TIGD7: variants seen among roughly 807,000 people sequenced by gnomAD.
The protein encoded by TIGD7 is tigger transposable element derived 7, also known as tigger transposable element-derived protein 7.
In TIGD7, 26 loss-of-function variants were observed where a neutral mutation model predicts 24.8. The observed-to-expected ratio is 1.05, with a 90% CI of 0.77 to 1.45. TIGD7 has a LOEUF of 1.45. TIGD7 is among the 40% of genes most tolerant of loss of function. The pLI is 0.00. For missense variants in TIGD7, 679 were observed against 641.6 expected, an observed-to-expected ratio of 1.06 and a Z score of -0.63; for synonymous variants, 221 against 224.1, an observed-to-expected ratio of 0.99 and a Z score of 0.12.
chr16:3,300,808 G>T lies in TIGD7; in HGVS notation c.-194C>A. ...GCTAGTCTAGAGGTGGAGGTCTTAT[G>T]CACTCAGAAAGCTGCCAGTTGCAAA... On this transcript the variant is annotated 5_prime_UTR_variant, in exon 2 of 2. It introduces an in-frame stop codon into an upstream open reading frame of the 5' UTR. Coordinates refer to ENST00000396862, the MANE Select transcript of TIGD7 (RefSeq NM_033208.4). 1.1e-6 allele frequency: 1 copy of T among 948,906 alleles called. No homozygotes were observed. Among genetic ancestry groups the T allele is most frequent in the Non-Finnish European group, 1.5e-6 (1 of 680,886 alleles). 58.8% of individuals were successfully genotyped at this position (948,906 alleles called of 1,614,324 possible). A position where few individuals can be genotyped will look rare whatever the true frequency, so the allele number is the denominator to read the frequency against.
chr16:3,298,948 A>G lies in TIGD7; in HGVS notation c.*17T>C. On this transcript the variant is annotated 3_prime_UTR_variant, in exon 2 of 2. Coordinates refer to ENST00000396862, the MANE Select transcript of TIGD7 (RefSeq NM_033208.4). ...TGGCCTACATCATATAATGGCAGAA[A>G]TCTTTAAACACAAAATCTAATGATT... The G allele has an allele frequency of 8.7e-7, 1 of 1,143,954 alleles. No homozygotes were observed. The highest frequency in any genetic ancestry group is 3.1e-5 in the Admixed American group (1 of 32,710). 70.9% of individuals were successfully genotyped at this position (1,143,954 alleles called of 1,614,324 possible).
chr16:3,305,350 G>C lies in TIGD7; in HGVS notation c.-1534C>G, dbSNP rs1960111169. The C allele has an allele frequency of 6.6e-6, 1 of 152,322 alleles. No individual in the cohort carries two copies. The highest frequency in any genetic ancestry group is 6.5e-5 in the Admixed American group (1 of 15,294). 9.4% of individuals were successfully genotyped at this position (152,322 alleles called of 1,614,324 possible). On this transcript the variant is annotated 5_prime_UTR_variant, in exon 1 of 2. Coordinates refer to ENST00000396862, the MANE Select transcript of TIGD7 (RefSeq NM_033208.4). ...TACAAGGCCCTCTAGGCTTCAGCGGGTCTGGATACTCGGTGGCATTAACCC... is the reference window on the plus strand; with the variant it reads ...TACAAGGCCCTCTAGGCTTCAGCGGCTCTGGATACTCGGTGGCATTAACCC...
rs776272587 is a variant in TIGD7 at position 3,299,767 on chromosome 16, C to T, written c.848G>A (p.Arg283Lys). 1.9e-6 allele frequency: 3 copies of T among 1,556,494 alleles called. No homozygotes were observed. The highest frequency in any genetic ancestry group is 2.6e-6 in the Non-Finnish European group (3 of 1,156,738). The change falls in exon 2 of 2, where the codon AGA (arginine) becomes AAA (lysine). Residue 283 changes from arginine to lysine, a missense_variant. By Grantham distance (26) the Arg-to-Lys change is conservative (BLOSUM62 2). Transcript: ENST00000396862. ...TGCCCTGACGTCCTCGTCATGAAAT[C>T]TTAGAACATTAAGTTGAAAATGTCG... ...EVRHFQLNVL[R>K]FHDEDVRALL...
rs893315483 is a variant in TIGD7 at position 3,300,394 on chromosome 16, C to T, written c.221G>A (p.Gly74Glu). The change falls in exon 2 of 2, where the codon GGA (glycine) becomes GAA (glutamate). Residue 74 changes from glycine to glutamate, a missense_variant. Coordinates refer to ENST00000396862, the MANE Select transcript of TIGD7 (RefSeq NM_033208.4). ...VGAEKRKRTT[G>E]AKYGDVDDAV... is the part of the protein sequence containing the mutation. ...ATCATCTACATCACCATATTTGGCT[C>T]CCGTTGTCCTCTTTCTCTTCTCAGC... 6.2e-7 allele frequency: 1 copy of T among 1,614,170 alleles called. No individual in the cohort carries two copies. Among genetic ancestry groups the T allele is most frequent in the South Asian group, 1.1e-5 (1 of 91,072 alleles).
chr16:3,302,773 T>C (rs1266939893), intron 1 of TIGD7, among the ~76,000 whole-genome samples: 1 of 151,834 alleles, frequency 6.6e-6, no homozygotes, highest in Non-Finnish European at 1.5e-5. Flanking sequence ...ACTATGACAG[T>C]TGTGTAGGTG....
Position 3,299,920 on chromosome 16 carries a change from G to T in TIGD7, c.695C>A (p.Ser232Ter). Residue 232 changes from serine to a stop codon, truncating the protein, a stop_gained, in exon 2 of 2, where the codon TCA becomes TAA. Transcript: ENST00000396862. LOFTEE classifies it high-confidence loss of function. ...HKLKSIIIGK[S>*]KLPKSVKEDT... ...CTCTTTCACACTTTTGGGCAGTTTT[G>T]ATTTTCCAATAATGATTGACTTTAA... 6.2e-7 allele frequency: 1 copy of T among 1,612,216 alleles called. No individual in the cohort carries two copies. Among genetic ancestry groups the T allele is most frequent in the Non-Finnish European group, 8.5e-7 (1 of 1,179,178 alleles).
chr16:3,301,255 A>T lies in TIGD7; in HGVS notation c.-641T>A. On this transcript the variant is annotated 5_prime_UTR_variant, in exon 2 of 2. An upstream open reading frame in the 5' UTR loses its in-frame stop. Transcript: ENST00000396862. ...TCTACCTGGATAAGGGCTCCGAGCT[A>T]CAGGGACCCTGACATTGGGATGTAT... 1 of 167,274 alleles carries T rather than the reference A, an allele frequency of 6.0e-6. No individual in the cohort carries two copies. The allele number at this position is 167,274 out of a possible 1,614,324, so 10.4% of individuals were successfully genotyped here.
chr16:3,300,118 T>G lies in TIGD7; in HGVS notation c.497A>C (p.Glu166Ala). 1.2e-6 allele frequency: 2 copies of G among 1,614,218 alleles called. No homozygotes were observed. The highest frequency in any genetic ancestry group is 1.7e-6 in the Non-Finnish European group (2 of 1,180,038). ...FRQKLSMIIK[E>A]EKLCLAQLYS... ...TAGCTGAGCTAGACACAGTTTCTCC[T>G]CTTTGATTATCATGGACAGTTTTTG... Residue 166 changes from glutamate (E) to alanine (A), a missense_variant, in exon 2 of 2, where the codon GAG (glutamate) becomes GCG (alanine). By Grantham distance (107) the Glu-to-Ala change is moderately radical. Coordinates refer to ENST00000396862, the MANE Select transcript of TIGD7 (RefSeq NM_033208.4).
chr16:3,303,773 C>T (rs920730909), intron 1 of TIGD7: 1 of 152,166 alleles, frequency 6.6e-6, no homozygotes, highest in African/African-American at 2.4e-5. Context: ...GATGAACTGC[C>T]ATAGAAAGCA....
chr16:3,302,934 T>C (rs542211022), intron 1 of TIGD7, among the ~76,000 whole-genome samples: 99 of 148,618 alleles, frequency 6.7e-4, no homozygotes, highest in Non-Finnish European at 1.2e-3. Flanking sequence ...GCCTCCAGGG[T>C]TCAGGCCATT....
chr16:3,300,248 T>A lies in TIGD7; in HGVS notation c.367A>T (p.Thr123Ser). 1 of 1,614,266 alleles carries A rather than the reference T, an allele frequency of 6.2e-7. No homozygotes were observed. Among genetic ancestry groups the A allele is most frequent in the Non-Finnish European group, 8.5e-7 (1 of 1,180,054 alleles). ...CFGRTDFKAS[T>S]GWLFRFRNRH... ...TTTCGAAATCTAAAAAGCCAACCAG[T>A]GCTAGCTTTGAAATCTGTTCGCCCA... Residue 123 changes from threonine (T) to serine (S), a missense_variant, in exon 2 of 2, where the codon ACT (threonine) becomes TCT (serine). Transcript: ENST00000396862.
In TIGD7 at chr16:3,300,374, C is replaced by G. The variant is rs764952398; in HGVS notation, c.241G>C (p.Asp81His). 1 of 1,614,122 alleles carries G rather than the reference C, an allele frequency of 6.2e-7. No homozygotes were observed. Among genetic ancestry groups the G allele is most frequent in the Non-Finnish European group, 8.5e-7 (1 of 1,180,048 alleles). Residue 81 changes from aspartate (D) to histidine (H), a missense_variant, in exon 2 of 2, where the codon GAT becomes CAT. Coordinates refer to ENST00000396862, the MANE Select transcript of TIGD7 (RefSeq NM_033208.4). ...RTTGAKYGDVDDAVYMWYQQK... is the reference protein window; with the variant it reads ...RTTGAKYGDVHDAVYMWYQQK... Reference sequence around the variant, plus strand: ...TGGTACCACATGTAGACCGCATCATCTACATCACCATATTTGGCTCCCGTT... The same window carrying G: ...TGGTACCACATGTAGACCGCATCATGTACATCACCATATTTGGCTCCCGTT...
At position 3,300,358 on chromosome 16, in the gene TIGD7, A is replaced by G. The variant is rs777801793; in HGVS notation, c.257T>C (p.Met86Thr). Residue 86 changes from methionine (M) to threonine (T), a missense_variant, in exon 2 of 2, where the codon ATG (methionine) becomes ACG (threonine). Coordinates refer to ENST00000396862, the MANE Select transcript of TIGD7 (RefSeq NM_033208.4). ...KYGDVDDAVY[M>T]WYQQKRSAGV... is the part of the protein sequence containing the mutation. Reference sequence around the variant, plus strand: ...GGCTGAGCGTTTCTGTTGGTACCACATGTAGACCGCATCATCTACATCACC... The same window carrying G: ...GGCTGAGCGTTTCTGTTGGTACCACGTGTAGACCGCATCATCTACATCACC... 1 of 1,614,204 alleles carries G rather than the reference A, an allele frequency of 6.2e-7. No homozygotes were observed. The highest frequency in any genetic ancestry group is 8.5e-7 in the Non-Finnish European group (1 of 1,180,046).
rs748573870 is a variant in TIGD7, at chr16:3,299,618, C to G, written c.997G>C (p.Gly333Arg). 3.8e-6 allele frequency: 6 copies of G among 1,564,300 alleles called. No individual in the cohort carries two copies. The highest frequency in any genetic ancestry group is 5.2e-6 in the Non-Finnish European group (6 of 1,161,856). ...TSTLIQPMNQ[G>R]VILSCKRLYR... The stretch of plus-strand genomic sequence containing the variant: ...AGCCGTTTGCAGCTCAAGATCACAC[C>G]TTGATTCATTGGTTGAATCAAGGTT... Residue 333 changes from glycine (G) to arginine (R), a missense_variant, in exon 2 of 2, where the codon GGT becomes CGT. Physicochemically the swap from Gly to Arg is moderately radical, Grantham distance 125 (BLOSUM62 -2). Coordinates refer to ENST00000396862, the MANE Select transcript of TIGD7 (RefSeq NM_033208.4).
chr16:3,301,478 A>C lies in TIGD7; in HGVS notation c.-864T>G, dbSNP rs1234485414. 1 of 167,096 alleles carries C rather than the reference A, an allele frequency of 6.0e-6. No individual in the cohort carries two copies. The highest frequency in any genetic ancestry group is 1.5e-5 in the Non-Finnish European group (1 of 68,128). 10.4% of individuals were successfully genotyped at this position (167,096 alleles called of 1,614,324 possible). On this transcript the variant is annotated 5_prime_UTR_variant, in exon 2 of 2. Coordinates refer to ENST00000396862, the MANE Select transcript of TIGD7 (RefSeq NM_033208.4). ...ATAATTTATTTGTCAGTGGCACTTT[A>C]CCATTCTCAGATCTTCTTTCTTGGG...
Position 3,300,686 on chromosome 16 carries a change from AC to A in TIGD7, c.-73del. 2 of 1,511,180 alleles carry A rather than the reference AC, an allele frequency of 1.3e-6. No individual in the cohort carries two copies. The highest frequency in any genetic ancestry group is 2.2e-4 in the Middle Eastern group (1 of 4,608). The allele number at this position is 1,511,180 out of a possible 1,614,324, so 93.6% of individuals were successfully genotyped here. On this transcript the variant is annotated 5_prime_UTR_variant, in exon 2 of 2. The change abolishes the stop of an existing upstream ORF in the 5' untranslated region. Coordinates refer to ENST00000396862, the MANE Select transcript of TIGD7 (RefSeq NM_033208.4). The stretch of plus-strand genomic sequence containing the variant: ...GCCTTAATGAATTGGCAAAAAAAAA[AC>A]CCACATTTTTTAAACAAAACTTAGC...
At position 3,300,104 on chromosome 16, in the gene TIGD7, GAC is replaced by G. The variant is rs1304168620; in HGVS notation, c.509_510del (p.Cys170SerfsTer9). 6.2e-6 allele frequency: 10 copies of G among 1,614,200 alleles called. No individual in the cohort carries two copies. Among genetic ancestry groups the G allele is most frequent in the South Asian group, 1.1e-5 (1 of 91,086 alleles). On this transcript the variant is annotated frameshift_variant, in exon 2 of 2. Transcript: ENST00000396862. LOFTEE classifies it high-confidence loss of function. The part of the protein sequence containing the change: ...LSMIIKEEKL[C>X]LAQLYSGDET... ...TCATCCCCACTGTATAGCTGAGCTA[GAC>G]ACAGTTTCTCCTCTTTGATTATCAT...
Position 3,301,802 on chromosome 16 carries a change from T to G in TIGD7, c.-1188A>C, listed in dbSNP as rs899693375. On this transcript the variant is annotated 5_prime_UTR_variant, in exon 2 of 2. Transcript: ENST00000396862. ...TCTAAAAGGTTTCTCTGCTGCTGTT[T>G]CTGATCAATTGTTTCTCATAAATCC... 6.0e-6 allele frequency: 1 copy of G among 167,104 alleles called. No individual in the cohort carries two copies. Among genetic ancestry groups the G allele is most frequent in the African/African-American group, 2.4e-5 (1 of 41,452 alleles). The allele number at this position is 167,104 out of a possible 1,614,324, so 10.4% of individuals were successfully genotyped here. A position where few individuals can be genotyped will look rare whatever the true frequency, so the allele number is the denominator to read the frequency against.
chr16:3,299,298 C>T lies in TIGD7; in HGVS notation c.1317G>A (p.Val439=), dbSNP rs762644584. Residue 439 remains valine, a synonymous_variant, in exon 2 of 2, where the codon GTG becomes GTA. Transcript: ENST00000396862. ...ELETKLDDDR[V]WLNGDEEKGC... is the part of the protein sequence containing the mutation. ...CCTTTTCTTCATCTCCATTTAACCA[C>T]ACCCTATCATCATCCAACTTAGTTT... is the stretch of plus-strand genomic sequence containing the variant. 1.9e-6 allele frequency: 3 copies of T among 1,610,074 alleles called. No individual in the cohort carries two copies. The highest frequency in any genetic ancestry group is 1.1e-5 in the South Asian group (1 of 89,970).
Sources: allele counts gnomAD v4.1 joint callset (sites outside exome capture counted in the v4.1 genomes callset), GRCh38; gene constraint gnomAD v4.1.1; transcripts MANE v1.5; gene names NCBI Gene and HGNC (gene_info 2026-07-23, HGNC 2026-07-21).